KAT6B: variants seen among roughly 807,000 people sequenced by gnomAD.
KAT6B encodes the protein histone acetyltransferase KAT6B.
Under a neutral mutation model 187.5 loss-of-function variants are expected in KAT6B, and 10 were observed. The ratio of observed to expected loss-of-function variants is 0.05; its 90% CI spans 0.03 to 0.09. The LOEUF (loss-of-function observed/expected upper bound fraction) is 0.09, where lower values mean the gene tolerates loss of function less well. KAT6B is among the 10% of genes least tolerant of loss of function. The pLI is 1.00. For missense variants in KAT6B, 1,952 were observed against 2,558.9 expected (o/e 0.76, Z 5.12); for synonymous variants, 861 against 926.8 (o/e 0.93, Z 1.29).
At chr10:74,836,666 A>G (rs1336152908) in intron 1 of KAT6B, among the ~76,000 whole-genome samples, 2 of 152,230 alleles carry the variant, frequency 1.3e-5, no homozygotes, top group Non-Finnish European at 2.9e-5. Context: ...GACAACAGAT[A>G]TTTGTTAACC....
intron 3 of KAT6B, among the ~76,000 whole-genome samples, chr10:74,861,101 A>C (rs548087600): frequency 6.6e-4 from 100 of 150,890 alleles, no homozygotes; most frequent in Non-Finnish European, 1.3e-3. Context: ...GTGCCATTGC[A>C]CTCCATCCTG....
chr10:74,997,875 G>C (rs1843543468), intron 13 of KAT6B, among the ~76,000 whole-genome samples: 1 of 152,048 alleles, frequency 6.6e-6, no homozygotes. Flanking sequence ...ACTTTGGGAA[G>C]CCAAGGCAAG....
In KAT6B at chr10:75,020,638, G is replaced by A. The variant is rs779250787; in HGVS notation, c.2686G>A (p.Asp896Asn). The change falls in exon 14 of 18, where the codon GAT becomes AAT. Residue 896 changes from aspartate to asparagine, a missense_variant. Transcript: ENST00000287239. ...AGGGTCTCCTGAAAAGCCTCTCTCCGATCTGGGCCGTCTCTCCTACCTGGC... is the reference window on the plus strand; with the variant it reads ...AGGGTCTCCTGAAAAGCCTCTCTCCAATCTGGGCCGTCTCTCCTACCTGGC... ...QAGSPEKPLS[D>N]LGRLSYLAYW... is the part of the protein sequence containing the mutation. The A allele has an allele frequency of 9.3e-6, 15 of 1,614,194 alleles. No homozygotes were observed. The highest frequency in any genetic ancestry group is 3.3e-5 in the South Asian group (3 of 91,088).
Position 75,020,566 on chromosome 10 carries a change from AT to A in KAT6B, c.2630-10del. ...ATGCCACAGTGAGGAATGCCCATTT[AT>A]TTTTTCTGCCCTAGGCTATTTGCTT... is the stretch of plus-strand genomic sequence containing the variant. On this transcript the variant is annotated splice_polypyrimidine_tract_variant and intron_variant, in intron 13 of 17. Transcript: ENST00000287239. 1 of 1,594,536 alleles carries A rather than the reference AT, an allele frequency of 6.3e-7. No individual in the cohort carries two copies. Among genetic ancestry groups the A allele is most frequent in the Non-Finnish European group, 8.6e-7 (1 of 1,162,394 alleles).
intron 3 of KAT6B, among the ~76,000 whole-genome samples, chr10:74,905,360 TAG>T (rs1477154671): frequency 7.9e-5 from 12 of 152,308 alleles, no homozygotes; most frequent in East Asian, 5.8e-4. Flanking sequence ...AATTAATAAG[TAG>T]AAAGTGTTCT....
upstream of KAT6B, among the ~76,000 whole-genome samples, chr10:74,825,082 C>T (rs182308805): frequency 1.1e-3 from 161 of 152,356 alleles, no homozygotes; most frequent in Non-Finnish European, 1.6e-3. This position sits in a 1 kb window ranked among gnomAD's most constrained non-coding sequence, Gnocchi z 5.0. Context: ...AATGTCACTG[C>T]TCCCTCTTCC....
At chr10:74,974,126 G>C (rs540558416) in intron 7 of KAT6B, among the ~76,000 whole-genome samples, 2 of 152,250 alleles carry the variant, frequency 1.3e-5, no homozygotes, top group Non-Finnish European at 2.9e-5. Flanking sequence ...TGAGTTCCTT[G>C]TTGGTAACTC....
At chr10:74,833,383 CTT>C (rs1222616555) in intron 1 of KAT6B, among the ~76,000 whole-genome samples, 2 of 152,180 alleles carry the variant, frequency 1.3e-5, no homozygotes, top group African/African-American at 4.8e-5. Flanking sequence ...CTTCAAATGA[CTT>C]TTCATCTTGT....
At chr10:75,013,709 G>C (rs1844777077) in intron 13 of KAT6B, among the ~76,000 whole-genome samples, 1 of 152,122 alleles carries the variant, frequency 6.6e-6, no homozygotes, top group African/African-American at 2.4e-5. Flanking sequence ...GCACTGTTCT[G>C]CATGTTTCAT....
chr10:74,965,009 A>C (rs1841362000), intron 4 of KAT6B, among the ~76,000 whole-genome samples: 1 of 152,208 alleles, frequency 6.6e-6, no homozygotes, highest in Non-Finnish European at 1.5e-5. Context: ...TCCATACTAT[A>C]GCCTAAGTTA....
At chr10:74,946,541 T>A (rs1839961202) in intron 3 of KAT6B, among the ~76,000 whole-genome samples, 1 of 152,198 alleles carries the variant, frequency 6.6e-6, no homozygotes, top group Non-Finnish European at 1.5e-5. Flanking sequence ...AAAATACTAC[T>A]CAGTGATAAA....
intron 3 of KAT6B, among the ~76,000 whole-genome samples, chr10:74,861,455 A>G (rs1426139223): frequency 6.6e-6 from 1 of 152,244 alleles, no homozygotes; most frequent in Non-Finnish European, 1.5e-5. Flanking sequence ...GGCAGGCACT[A>G]CTTCAAGTGC....
chr10:74,836,325 C>G (rs1247965957), intron 1 of KAT6B, among the ~76,000 whole-genome samples: 1 of 152,144 alleles, frequency 6.6e-6, no homozygotes, highest in Non-Finnish European at 1.5e-5. Flanking sequence ...TCTTTTGAGT[C>G]TATACCTAGA....
chr10:74,918,915 T>C (rs1847908843), intron 3 of KAT6B, among the ~76,000 whole-genome samples: 1 of 152,064 alleles, frequency 6.6e-6, no homozygotes, highest in African/African-American at 2.4e-5. Context: ...TCCCTGGCTG[T>C]CTTTAAAAAT....
At chr10:74,826,387 G>C (rs1209655451), upstream of KAT6B, among the ~76,000 whole-genome samples, 1 of 151,218 alleles carries the variant, frequency 6.6e-6, no homozygotes, top group Admixed American at 6.6e-5. Flanking sequence ...GGTGGTGCCG[G>C]AGGGGGGGAT....
chr10:74,885,631 A>G (rs1845186288), intron 3 of KAT6B, among the ~76,000 whole-genome samples: 4 of 152,216 alleles, frequency 2.6e-5, no homozygotes, highest in Admixed American at 2.6e-4. Flanking sequence ...TAGGATAAAG[A>G]AGTGTAGTAA....
chr10:74,941,092 G>A (rs1849638955), intron 3 of KAT6B, among the ~76,000 whole-genome samples: 1 of 152,114 alleles, frequency 6.6e-6, no homozygotes, highest in Non-Finnish European at 1.5e-5. Flanking sequence ...CTTCGCACCT[G>A]GTTAAAAAGC....
chr10:74,903,257 T>C (rs1846526453), intron 3 of KAT6B, among the ~76,000 whole-genome samples: 1 of 152,182 alleles, frequency 6.6e-6, no homozygotes, highest in African/African-American at 2.4e-5. Flanking sequence ...CTTTGTATTA[T>C]ATCTTCCCCT....
chr10:75,024,711 T>C (rs1366339396), intron 16 of KAT6B, among the ~76,000 whole-genome samples: 7 of 152,210 alleles, frequency 4.6e-5, no homozygotes, highest in Admixed American at 4.6e-4. Flanking sequence ...CCAGTCAAGC[T>C]GCTAGGATGT....
Sources: gnomAD v4.1 joint callset for allele counts (sites outside exome capture counted in the v4.1 genomes callset) on GRCh38, gnomAD v4.1.1 for gene constraint, Gnocchi (gnomAD v3.1) non-coding constraint, MANE v1.5 for transcripts, NCBI Gene and HGNC (gene_info 2026-07-23, HGNC 2026-07-21) for gene names.